Variants in CDK13 observed in about 807,000 individuals in gnomAD.
CDK13 encodes the protein cyclin dependent kinase 13.
In CDK13, 40 loss-of-function variants were observed where a neutral mutation model predicts 137.6. The observed-to-expected ratio is 0.29, with a 90% CI of 0.23 to 0.38. CDK13 has a LOEUF of 0.38. Among genes scored for constraint, CDK13 ranks in the 10% least tolerant of loss-of-function variants. The probability of loss-of-function intolerance (pLI) is 1.00; values close to 1 mark genes in which losing one functional copy is unlikely to be tolerated. For missense variants in CDK13, 1,704 were observed against 1,951.8 expected (o/e 0.87, Z 2.39); for synonymous variants, 869 against 760.1 (o/e 1.14, Z -2.36).
intron 7 of CDK13, among the ~76,000 whole-genome samples, chr7:40,051,873 T>C (rs913312452): frequency 2.0e-5 from 3 of 152,238 alleles, no homozygotes; most frequent in Non-Finnish European, 4.4e-5. Flanking sequence ...ATTTTGAACA[T>C]TGGGATTTAT....
intron 1 of CDK13, among the ~76,000 whole-genome samples, chr7:39,964,113 T>A (rs1434699251): frequency 1.3e-5 from 2 of 152,334 alleles, no homozygotes; most frequent in East Asian, 3.9e-4. Flanking sequence ...GGCTTTGGTA[T>A]CAGGATGATG....
chr7:40,030,325 A>G (rs1039099694), intron 5 of CDK13, among the ~76,000 whole-genome samples: 10 of 151,960 alleles, frequency 6.6e-5, no homozygotes, highest in Non-Finnish European at 1.5e-4. Context: ...ATGCAAAGAC[A>G]GAGAATCTGA....
rs58010602 is a variant in CDK13 at position 40,024,645 on chromosome 7, G to GTT, written c.2354-21159_2354-21158dup. Reference sequence around the variant, plus strand: ...TCTTCCAAGATATCTGTAGCTCTGTGTTTTTTTTTTTTTTTTTTTTTTTTT... The same window carrying GTT: ...TCTTCCAAGATATCTGTAGCTCTGTGTTTTTTTTTTTTTTTTTTTTTTTTTTT... On this transcript the variant is annotated intron_variant, in intron 5 of 13. Transcript: ENST00000181839. Among the ~76,000 whole-genome samples the GTT allele has an allele frequency of 1.4e-4, 7 of 50,280 alleles. 1 individual carries two copies. The highest frequency in any genetic ancestry group is 5.0e-4 in the African/African-American group (6 of 11,966). The allele number at this position is 50,280 out of a possible 152,430, so 33.0% of individuals were successfully genotyped here. A position where few individuals can be genotyped will look rare whatever the true frequency, so the allele number is the denominator to read the frequency against.
chr7:40,052,416 A>C (rs1009516125), intron 7 of CDK13, among the ~76,000 whole-genome samples: 1 of 152,176 alleles, frequency 6.6e-6, no homozygotes, highest in Non-Finnish European at 1.5e-5. Flanking sequence ...ACCTCAAGTG[A>C]TCTACCCACC....
intron 7 of CDK13, among the ~76,000 whole-genome samples, chr7:40,054,508 C>G (rs975252921): frequency 4.6e-5 from 7 of 151,952 alleles, no homozygotes; most frequent in East Asian, 1.9e-4. Context: ...TCGGCTCAAC[C>G]CAACCTCTGT....
rs775461014 is a variant in CDK13 at position 40,078,068 on chromosome 7, C to T, written c.2844C>T (p.Asn948=). The change falls in exon 10 of 14, where the codon AAC becomes AAT. Residue 948 remains asparagine (N), a synonymous_variant. Transcript: ENST00000181839. The part of the protein sequence containing the change: ...WPDVIKLPYF[N]TMKPKKQYRR... ...ATGTAATCAAACTACCATATTTCAA[C>T]ACCATGAAACCAAAGAAGCAATATC... is the stretch of plus-strand genomic sequence containing the variant. The T allele has an allele frequency of 6.2e-7, 1 of 1,603,724 alleles. No homozygotes were observed. The highest frequency in any genetic ancestry group is 1.7e-5 in the Admixed American group (1 of 57,362).
At chr7:39,973,442 G>C (rs1784042377) in intron 1 of CDK13, among the ~76,000 whole-genome samples, 1 of 151,976 alleles carries the variant, frequency 6.6e-6, no homozygotes, top group African/African-American at 2.4e-5. Flanking sequence ...GGCCTTCTTT[G>C]CCCATTTTTA....
Position 39,999,331 on chromosome 7 carries a change from A to G in CDK13, c.2043-30A>G, listed in dbSNP as rs17496338. 1.9e-4 allele frequency: 296 copies of G among 1,565,832 alleles called. 4 individuals carry two copies. The East Asian group carries it at 6.6e-3, about 35-fold the overall frequency. On this transcript the variant is annotated intron_variant, in intron 3 of 13. Transcript: ENST00000181839. ...CAGTTTATTCAATTTGCTTGATTGT[A>G]TATAAAAACTTTAGAACTATATTTG...
intron 1 of CDK13, among the ~76,000 whole-genome samples, chr7:39,976,323 TCACACACACACA>T (rs764395925): frequency 7.6e-5 from 3 of 39,544 alleles, no homozygotes; most frequent in African/African-American, 2.1e-4. Flanking sequence ...TCTCTCTCTC[TCACACACACACA>T]CACACACACA....
At chr7:39,975,573 T>C (rs1755509124) in intron 1 of CDK13, among the ~76,000 whole-genome samples, 1 of 152,236 alleles carries the variant, frequency 6.6e-6, no homozygotes, top group South Asian at 2.1e-4. Context: ...TCATATACCA[T>C]GTGTACAGAA....
intron 7 of CDK13, among the ~76,000 whole-genome samples, chr7:40,057,520 C>T (rs1484784011): frequency 6.6e-6 from 1 of 152,130 alleles, no homozygotes; most frequent in African/African-American, 2.4e-5. Flanking sequence ...CATGTGGCCA[C>T]ACCTAACTGC....
chr7:39,958,939 A>G (rs190105257), intron 1 of CDK13, among the ~76,000 whole-genome samples: 14 of 152,036 alleles, frequency 9.2e-5, no homozygotes, highest in Admixed American at 7.9e-4. Context: ...CACATATTCC[A>G]TTATTGGTTT....
At chr7:40,015,821 A>T (rs1254187996) in intron 5 of CDK13, among the ~76,000 whole-genome samples, 1 of 152,208 alleles carries the variant, frequency 6.6e-6, no homozygotes, top group Non-Finnish European at 1.5e-5. Context: ...ACATCTGACT[A>T]GCTGTGAGTA....
At chr7:40,058,863 A>C (rs1388118958) in intron 7 of CDK13, among the ~76,000 whole-genome samples, 1 of 152,176 alleles carries the variant, frequency 6.6e-6, no homozygotes, top group African/African-American at 2.4e-5. Context: ...TAAAGATGAC[A>C]TGGCATTTTG....
chr7:40,077,278 G>A (rs17538174), intron 9 of CDK13, among the ~76,000 whole-genome samples: 1,913 of 152,160 alleles, frequency 0.013, 27 homozygotes, highest in African/African-American at 0.044. Flanking sequence ...ATAGAAATCC[G>A]TTTCTGCTAT....
chr7:40,036,113 A>T (rs1785476232), intron 5 of CDK13, among the ~76,000 whole-genome samples: 2 of 151,568 alleles, frequency 1.3e-5, no homozygotes, highest in Admixed American at 1.3e-4. Context: ...GCAAGATTGT[A>T]CCACTGCACT....
chr7:40,096,293 A>G lies in CDK13; in HGVS notation c.*1313A>G, dbSNP rs879453713. On this transcript the variant is annotated 3_prime_UTR_variant, in exon 14 of 14. Transcript: ENST00000181839. ...ATCTTCCTTCCTGTCACATTCTGTA[A>G]AGTTGATTATGACTTCTGCCAGACT... The G allele has an allele frequency of 6.6e-6, 1 of 152,204 alleles. No homozygotes were observed. Among genetic ancestry groups the G allele is most frequent in the Non-Finnish European group, 1.5e-5 (1 of 68,022 alleles). The allele number at this position is 152,204 out of a possible 1,614,324, so 9.4% of individuals were successfully genotyped here.
chr7:40,074,799 G>T (rs1489142891), intron 9 of CDK13, among the ~76,000 whole-genome samples: 1 of 151,122 alleles, frequency 6.6e-6, no homozygotes, highest in Admixed American at 6.6e-5. Flanking sequence ...CCAGCCTGGG[G>T]TAGCAGTGGA....
chr7:40,053,529 T>C (rs1785941337), intron 7 of CDK13, among the ~76,000 whole-genome samples: 2 of 152,170 alleles, frequency 1.3e-5, no homozygotes, highest in Admixed American at 6.5e-5. Flanking sequence ...TTGAATGCCT[T>C]TGTGAATCTA....
Sources: allele counts gnomAD v4.1 joint callset (sites outside exome capture counted in the v4.1 genomes callset), GRCh38; gene constraint gnomAD v4.1.1; transcripts MANE v1.5; gene names NCBI Gene and HGNC (gene_info 2026-07-23, HGNC 2026-07-21).